Variants in EIF5A observed in about 807,000 individuals in gnomAD.
The protein encoded by EIF5A is eukaryotic translation initiation factor 5A-1.
A neutral mutation model predicts 16.6 loss-of-function variants in EIF5A; 1 was observed. The ratio of observed to expected loss-of-function variants is 0.06; its 90% CI spans 0.02 to 0.28. The LOEUF (loss-of-function observed/expected upper bound fraction) is 0.28. EIF5A is among the 10% of genes least tolerant of loss of function. The pLI is 1.00. For synonymous variants in EIF5A, 80 were observed against 73.6 expected, an observed-to-expected ratio of 1.09 and a Z score of -0.44; for missense variants, 29 against 196.1, an observed-to-expected ratio of 0.15 and a Z score of 5.09.
intron 2 of EIF5A, chr17:7,310,760 G>A: frequency 1.1e-5 from 11 of 985,352 alleles, no homozygotes; most frequent in Non-Finnish European, 1.3e-5. Context: ...CTTTTATCAA[G>A]GTAACTGTCT....
chr17:7,307,204 T>A (rs1053852415), upstream of EIF5A: 58 of 1,404,378 alleles, frequency 4.1e-5, no homozygotes, highest in South Asian at 7.7e-4. Context: ...AGCGGCGTGG[T>A]CTTTTCAACG....
intron 1 of EIF5A, 51 bp from the exon 2 acceptor site, chr17:7,309,564 G>A: frequency 1.2e-6 from 2 of 1,605,362 alleles, no homozygotes; most frequent in Non-Finnish European, 8.5e-7. Context: ...ATAGATTGGA[G>A]GTCCTGTTGA....
At chr17:7,310,025 G>T (rs1366464291) in intron 2 of EIF5A, 3 of 1,509,954 alleles carry the variant, frequency 2.0e-6, no homozygotes, top group Admixed American at 4.0e-5. Context: ...TTCTCTGGCA[G>T]TCCCTCCGTT....
At chr17:7,309,155 T>G (rs1472162309) in intron 1 of EIF5A, among the ~76,000 whole-genome samples, 15 of 145,120 alleles carry the variant, frequency 1.0e-4, no homozygotes, top group East Asian at 6.2e-4. Flanking sequence ...AACAGATGGG[T>G]GGGGCCTTGT....
Position 7,311,956 on chromosome 17 carries a change from C to T in EIF5A, c.*146C>T. 3 of 460,042 alleles carry T rather than the reference C, an allele frequency of 6.5e-6. No individual in the cohort carries two copies. The highest frequency in any genetic ancestry group is 2.5e-5 in the South Asian group (1 of 39,376). 28.5% of individuals were successfully genotyped at this position (460,042 alleles called of 1,614,324 possible). A position where few individuals can be genotyped will look rare whatever the true frequency, so the allele number is the denominator to read the frequency against. ...GACGTTTTATTTTGGTTTTCCCCAC[C>T]CCCTCAATCTGTCGGGGAGCCCCTG... On this transcript the variant is annotated 3_prime_UTR_variant, in exon 6 of 6. Coordinates refer to ENST00000336458, the MANE Select transcript of EIF5A (RefSeq NM_001970.5).
chr17:7,310,712 C>G, intron 2 of EIF5A: 1 of 985,422 alleles, frequency 1.0e-6, no homozygotes, highest in African/African-American at 1.7e-5. Context: ...AACTTTTACT[C>G]AGACTCCTCC....
Position 7,311,946 on chromosome 17 carries a change from T to C in EIF5A, c.*136T>C, listed in dbSNP as rs999574094. On this transcript the variant is annotated 3_prime_UTR_variant, in exon 6 of 6. Transcript: ENST00000336458. Reference sequence around the variant, plus strand: ...CAATTTATTTGACGTTTTATTTTGGTTTTCCCCACCCCCTCAATCTGTCGG... The same window carrying C: ...CAATTTATTTGACGTTTTATTTTGGCTTTCCCCACCCCCTCAATCTGTCGG... 7 of 474,586 alleles carry C rather than the reference T, an allele frequency of 1.5e-5. No homozygotes were observed. Among genetic ancestry groups the C allele is most frequent in the African/African-American group, 1.2e-4 (6 of 50,930 alleles). The allele number at this position is 474,586 out of a possible 1,614,324, so 29.4% of individuals were successfully genotyped here.
At position 7,311,561 on chromosome 17, in the gene EIF5A, C is replaced by T. The variant is rs369719513; in HGVS notation, c.403-17C>T. The T allele has an allele frequency of 3.0e-5, 48 of 1,614,186 alleles. No individual in the cohort carries two copies. The highest frequency in any genetic ancestry group is 2.8e-4 in the African/African-American group (21 of 75,042). On this transcript the variant is annotated splice_polypyrimidine_tract_variant and intron_variant, in intron 4 of 5. Coordinates refer to ENST00000336458, the MANE Select transcript of EIF5A (RefSeq NM_001970.5). ...CTGAGCTCAGACATCTCTTGGCTAT[C>T]CCTCTTGCTTCTCCAGATCACGGTG...
At position 7,307,673 on chromosome 17, in the gene EIF5A, G is replaced by A. The variant is rs2072665029; in HGVS notation, c.-101G>A. Reference sequence around the variant, plus strand: ...CAGCGGCGGCGGCGGTAGAGGCGGCGGCGGCGGCGGCAGCGGGCTCGGAGG... The same window carrying A: ...CAGCGGCGGCGGCGGTAGAGGCGGCAGCGGCGGCGGCAGCGGGCTCGGAGG... On this transcript the variant is annotated 5_prime_UTR_variant, in exon 1 of 6. Transcript: ENST00000336458. 1 of 1,052,832 alleles carries A rather than the reference G, an allele frequency of 9.5e-7. No individual in the cohort carries two copies. The highest frequency in any genetic ancestry group is 1.1e-6 in the Non-Finnish European group (1 of 873,842). The allele number at this position is 1,052,832 out of a possible 1,614,324, so 65.2% of individuals were successfully genotyped here.
chr17:7,308,409 C>G, intron 1 of EIF5A: 1 of 1,273,088 alleles, frequency 7.9e-7, no homozygotes, highest in Non-Finnish European at 1.0e-6. Context: ...AGCTAGTCCT[C>G]GCGGGGGTTC....
intron 1 of EIF5A, among the ~76,000 whole-genome samples, chr17:7,309,090 C>T (rs1274651583): frequency 2.7e-5 from 4 of 149,398 alleles, no homozygotes; most frequent in Non-Finnish European, 5.9e-5. Flanking sequence ...CCAAAGAGGC[C>T]TTGTGGTTTC....
In EIF5A at chr17:7,309,608, G is replaced by C; in HGVS notation, c.-21-7G>C. 5 of 1,613,958 alleles carry C rather than the reference G, an allele frequency of 3.1e-6. No homozygotes were observed. The highest frequency in any genetic ancestry group is 4.2e-6 in the Non-Finnish European group (5 of 1,179,998). ...CTTATTCACTTCAGTTCTCTTCTTGGCTCTAGTTGGAATCGAAGCCTCTTA... is the reference window on the plus strand; with the variant it reads ...CTTATTCACTTCAGTTCTCTTCTTGCCTCTAGTTGGAATCGAAGCCTCTTA... On this transcript the variant is annotated splice_region_variant and splice_polypyrimidine_tract_variant and intron_variant, in intron 1 of 5. Coordinates refer to ENST00000336458, the MANE Select transcript of EIF5A (RefSeq NM_001970.5).
upstream of EIF5A, chr17:7,307,443 C>G (rs1195254115): frequency 9.3e-7 from 1 of 1,078,740 alleles, no homozygotes; most frequent in African/African-American, 1.7e-5. Flanking sequence ...GTTGAAAACG[C>G]TCAGGGTTTG....
In EIF5A at chr17:7,308,136, G is replaced by T. The variant is rs545354647; in HGVS notation, c.-22+384G>T. The T allele has an allele frequency of 2.4e-4, 160 of 654,586 alleles. No individual in the cohort carries two copies. In the African/African-American group the frequency reaches 3.1e-3, roughly 13 times the overall value. The allele number at this position is 654,586 out of a possible 1,614,324, so 40.5% of individuals were successfully genotyped here. ...GAGGTGGGGGAGGGGGCTATTCGGT[G>T]AGAGGGCATGATGGGGGGGGTTGGC... On this transcript the variant is annotated intron_variant, in intron 1 of 5. Transcript: ENST00000336458.
At chr17:7,309,900 GC>G in intron 2 of EIF5A, 100 bp downstream of exon 2, 1 of 1,610,982 alleles carries the variant, frequency 6.2e-7, no homozygotes, top group Admixed American at 1.7e-5. Flanking sequence ...CTTTAACTCT[GC>G]TTTTACTGTC....
chr17:7,308,337 C>T (rs901760316), intron 1 of EIF5A: 4 of 1,174,428 alleles, frequency 3.4e-6, no homozygotes, highest in Admixed American at 3.8e-5. Flanking sequence ...CCCCAGGTCC[C>T]GGCCACCGGA....
At chr17:7,307,028 G>T, upstream of EIF5A, 3 of 1,579,262 alleles carry the variant, frequency 1.9e-6, no homozygotes, top group Non-Finnish European at 2.6e-6. Context: ...AGAGTGGGGC[G>T]GAAAGACATC....
intron 2 of EIF5A, chr17:7,310,397 AGACTTTTCCT>A (rs1181734932): frequency 1.8e-5 from 21 of 1,187,486 alleles, no homozygotes; most frequent in Admixed American, 3.8e-5. Context: ...TCATCACCTC[AGACTTTTCCT>A]GTCTCTTTAG....
Position 7,311,667 on chromosome 17 carries a change from C to T in EIF5A, c.*11+16C>T. 1 of 1,613,804 alleles carries T rather than the reference C, an allele frequency of 6.2e-7. No homozygotes were observed. The highest frequency in any genetic ancestry group is 1.7e-4 in the Middle Eastern group (1 of 5,778). ...TGGCTCCCAGGTGAGTGTGACAAAT[C>T]CCTCACTGTCCCCTTCACATTTTGT... On this transcript the variant is annotated intron_variant, in intron 5 of 5. Coordinates refer to ENST00000336458, the MANE Select transcript of EIF5A (RefSeq NM_001970.5).
Sources: allele counts gnomAD v4.1 joint callset (sites outside exome capture counted in the v4.1 genomes callset), GRCh38; gene constraint gnomAD v4.1.1; transcripts MANE v1.5; gene names NCBI Gene and HGNC (gene_info 2026-07-23, HGNC 2026-07-21).